ZMIZ1: variants seen among roughly 807,000 people sequenced by gnomAD.
ZMIZ1 encodes the protein zinc finger MIZ-type containing 1.
A neutral mutation model predicts 113.9 loss-of-function variants in ZMIZ1; 17 were observed. That is an observed-to-expected ratio of 0.15 (90% CI 0.10 to 0.22). ZMIZ1 has a LOEUF of 0.22. Among genes scored for constraint, ZMIZ1 ranks in the 10% least tolerant of loss-of-function variants. The probability of loss-of-function intolerance (pLI) is 1.00; values close to 1 mark genes in which losing one functional copy is unlikely to be tolerated. For missense variants in ZMIZ1, 1,059 were observed against 1,477.8 expected, an observed-to-expected ratio of 0.72 and a Z score of 4.65; for synonymous variants, 607 against 603.1, an observed-to-expected ratio of 1.01 and a Z score of -0.09.
chr10:79,218,654 GAAAA>G (rs1564531830), intron 7 of ZMIZ1, among the ~76,000 whole-genome samples: 1 of 151,436 alleles, frequency 6.6e-6, no homozygotes, highest in Non-Finnish European at 1.5e-5. Flanking sequence ...TGCCTTGAAG[GAAAA>G]GTAAAAGTGA....
intron 7 of ZMIZ1, among the ~76,000 whole-genome samples, chr10:79,217,082 A>G (rs1848763155): frequency 6.6e-6 from 1 of 152,210 alleles, no homozygotes; most frequent in Non-Finnish European, 1.5e-5. Flanking sequence ...GAAGGCAGGA[A>G]TGGTAAGGAG....
At chr10:79,231,121 A>G (rs1849379188) in intron 7 of ZMIZ1, among the ~76,000 whole-genome samples, 1 of 152,238 alleles carries the variant, frequency 6.6e-6, no homozygotes, top group African/African-American at 2.4e-5. Flanking sequence ...TACAGAAGTG[A>G]TCAGGGGCAC....
intron 7 of ZMIZ1, among the ~76,000 whole-genome samples, chr10:79,253,774 A>G (rs1440771013): frequency 6.6e-6 from 1 of 152,300 alleles, no homozygotes; most frequent in East Asian, 1.9e-4. Context: ...CCCTGAGCAA[A>G]GGAAGGATGA....
chr10:79,084,638 G>A (rs759166571), intron 1 of ZMIZ1, among the ~76,000 whole-genome samples: 9 of 152,166 alleles, frequency 5.9e-5, no homozygotes, highest in Non-Finnish European at 1.2e-4. Context: ...CTGCTCTAAC[G>A]TTCTGTATCC....
At chr10:79,197,920 G>T (rs566455131) in intron 4 of ZMIZ1, among the ~76,000 whole-genome samples, 1 of 152,130 alleles carries the variant, frequency 6.6e-6, no homozygotes, top group African/African-American at 2.4e-5. Flanking sequence ...TTTAATCTCC[G>T]CACGCCCAAC....
At chr10:79,110,067 T>C (rs901540585) in intron 1 of ZMIZ1, among the ~76,000 whole-genome samples, 2 of 152,240 alleles carry the variant, frequency 1.3e-5, no homozygotes, top group Non-Finnish European at 2.9e-5. Context: ...GGGGGTGGCA[T>C]GCATGGCCTG....
At chr10:79,272,913 G>T (rs570766479) in intron 7 of ZMIZ1, among the ~76,000 whole-genome samples, 19 of 152,386 alleles carry the variant, frequency 1.2e-4, no homozygotes, top group African/African-American at 4.6e-4. Context: ...TGGTCACCAT[G>T]AGGTGAGCTG....
chr10:79,101,241 A>G (rs918361495), intron 1 of ZMIZ1, among the ~76,000 whole-genome samples: 1 of 152,172 alleles, frequency 6.6e-6, no homozygotes, highest in Non-Finnish European at 1.5e-5. Context: ...AGGGGTTCTC[A>G]GCACAGGCAA....
intron 8 of ZMIZ1, among the ~76,000 whole-genome samples, chr10:79,284,676 A>G (rs976413244): frequency 2.0e-5 from 3 of 152,154 alleles, no homozygotes; most frequent in Admixed American, 1.3e-4. Context: ...TTTACAGATG[A>G]GAAAGTTGAG....
At chr10:79,261,437 C>T (rs1378122903) in intron 7 of ZMIZ1, among the ~76,000 whole-genome samples, 1 of 152,204 alleles carries the variant, frequency 6.6e-6, no homozygotes, top group African/African-American at 2.4e-5. Context: ...GCTGATTAAA[C>T]ACTGCAGAGG....
intron 7 of ZMIZ1, among the ~76,000 whole-genome samples, chr10:79,266,283 A>G (rs998438404): frequency 6.6e-6 from 1 of 152,222 alleles, no homozygotes; most frequent in Non-Finnish European, 1.5e-5. Context: ...GCTCTCAGAC[A>G]TGATGTCACA....
chr10:79,137,628 G>A lies in ZMIZ1; in HGVS notation c.-226-2054G>A, dbSNP rs917221495. On this transcript the variant is annotated intron_variant, in intron 2 of 24. Transcript: ENST00000334512. The stretch of plus-strand genomic sequence containing the variant: ...GTGCACCAAGCTTCAGGTTCCTGCC[G>A]GGTGCAGACCCAGAATGGTCCTTGC... 3.0e-4 allele frequency among the ~76,000 whole-genome samples: 46 copies of A among 152,300 alleles called. 1 individual carries two copies. Among genetic ancestry groups the A allele is most frequent in the African/African-American group, 8.2e-4 (34 of 41,576 alleles).
Position 79,214,382 on chromosome 10 carries a change from A to T in ZMIZ1, c.175-1787A>T, listed in dbSNP as rs530321710. Reference sequence around the variant, plus strand: ...TTTTTCCTCCCAACCTGGCTCAAACATTAGCCCTACACAGAGGGGCGCAGG... The same window carrying T: ...TTTTTCCTCCCAACCTGGCTCAAACTTTAGCCCTACACAGAGGGGCGCAGG... On this transcript the variant is annotated intron_variant, in intron 6 of 24. Transcript: ENST00000334512. Among the ~76,000 whole-genome samples the T allele has an allele frequency of 2.6e-5, 4 of 152,258 alleles. No homozygotes were observed. The South Asian group carries it at 8.3e-4, about 32-fold the overall frequency.
chr10:79,134,858 C>T lies in ZMIZ1; in HGVS notation c.-226-4824C>T, dbSNP rs548153864. On this transcript the variant is annotated intron_variant, in intron 2 of 24. Coordinates refer to ENST00000334512, the MANE Select transcript of ZMIZ1 (RefSeq NM_020338.4). Reference sequence around the variant, plus strand: ...AGTTTTTTTTTTTGAGATGGAGTTTCGCTCTTGTTGCCCAGGCTGGTGCTA... The same window carrying T: ...AGTTTTTTTTTTTGAGATGGAGTTTTGCTCTTGTTGCCCAGGCTGGTGCTA... 1.2e-3 allele frequency among the ~76,000 whole-genome samples: 174 copies of T among 150,490 alleles called. 1 individual carries two copies. The highest frequency in any genetic ancestry group is 2.3e-3 in the South Asian group (11 of 4,776).
chr10:79,082,531 C>T (rs1004398419), intron 1 of ZMIZ1, among the ~76,000 whole-genome samples: 20 of 152,326 alleles, frequency 1.3e-4, no homozygotes, highest in Middle Eastern at 6.8e-3. Context: ...AGCCAGTCTA[C>T]TTAATGCCCT....
intron 7 of ZMIZ1, among the ~76,000 whole-genome samples, chr10:79,235,511 C>T (rs1205980143): frequency 6.6e-6 from 1 of 152,210 alleles, no homozygotes; most frequent in East Asian, 1.9e-4. Flanking sequence ...CTGCAATTCT[C>T]CATCCTCAGC....
At chr10:79,135,783 G>C (rs1273128881) in intron 2 of ZMIZ1, among the ~76,000 whole-genome samples, 2 of 152,170 alleles carry the variant, frequency 1.3e-5, no homozygotes, top group Non-Finnish European at 2.9e-5. Context: ...CTATAAGATG[G>C]GGACAGTTGT....
intron 23 of ZMIZ1, among the ~76,000 whole-genome samples, chr10:79,308,808 CAT>C (rs1854910866): frequency 6.6e-6 from 1 of 152,162 alleles, no homozygotes; most frequent in Admixed American, 6.5e-5. Context: ...GACACACACA[CAT>C]CCTGCGCCCT....
chr10:79,103,445 C>T (rs1362359274), intron 1 of ZMIZ1, among the ~76,000 whole-genome samples: 4 of 151,000 alleles, frequency 2.6e-5, no homozygotes, highest in Non-Finnish European at 4.4e-5. Context: ...GGAGGGTGAA[C>T]GGTGGAAATG....
Sources: allele counts gnomAD v4.1 joint callset (sites outside exome capture counted in the v4.1 genomes callset), GRCh38; gene constraint gnomAD v4.1.1; transcripts MANE v1.5; gene names NCBI Gene and HGNC (gene_info 2026-07-23, HGNC 2026-07-21).